Variants in LRRK1 observed in about 807,000 individuals in gnomAD.
LRRK1 encodes the protein leucine-rich repeat serine/threonine-protein kinase 1.
A neutral mutation model predicts 209.1 loss-of-function variants in LRRK1; 113 were observed. The observed-to-expected ratio is 0.54, with a 90% CI of 0.46 to 0.63. The LOEUF (loss-of-function observed/expected upper bound fraction) is 0.63. Ranked by LOEUF, LRRK1 falls within the 30% of genes least tolerant of loss-of-function variation. The pLI is 0.00. For synonymous variants in LRRK1, 1,144 were observed against 1,099.7 expected, an observed-to-expected ratio of 1.04 and a Z score of -0.80; for missense variants, 2,284 against 2,632.2, an observed-to-expected ratio of 0.87 and a Z score of 2.89.
At chr15:101,053,467 C>T in intron 26 of LRRK1, 47 bp downstream of exon 26, 1 of 1,490,226 alleles carries the variant, frequency 6.7e-7, no homozygotes. Context: ...CGACAGAGCC[C>T]CGGGCGCCTC....
At chr15:100,940,972 T>C (rs553747632) in intron 2 of LRRK1, among the ~76,000 whole-genome samples, 3 of 152,368 alleles carry the variant, frequency 2.0e-5, no homozygotes, top group East Asian at 3.9e-4. Flanking sequence ...CACTGTCAGC[T>C]GCTCACTTCC....
chr15:101,021,359 CG>C (rs1335322765), intron 13 of LRRK1, among the ~76,000 whole-genome samples, 177 bp downstream of exon 13: 2 of 152,080 alleles, frequency 1.3e-5, no homozygotes, highest in African/African-American at 2.4e-5. Flanking sequence ...GAGAGGAAGA[CG>C]GAGTAGCAAT....
chr15:100,950,864 G>A (rs967291477), intron 2 of LRRK1, among the ~76,000 whole-genome samples: 1 of 152,246 alleles, frequency 6.6e-6, no homozygotes, highest in African/African-American at 2.4e-5. Flanking sequence ...AGCACTTTGG[G>A]AGGCCAAGGC....
chr15:100,945,778 C>T (rs905050937), intron 2 of LRRK1, among the ~76,000 whole-genome samples: 5 of 152,148 alleles, frequency 3.3e-5, no homozygotes, highest in Non-Finnish European at 5.9e-5. Flanking sequence ...CAGGCATGAG[C>T]CACAGTGCCC....
intron 1 of LRRK1, among the ~76,000 whole-genome samples, chr15:100,922,628 T>C (rs2042039253): frequency 6.6e-6 from 1 of 152,200 alleles, no homozygotes; most frequent in South Asian, 2.1e-4. Context: ...GGAACGTTTA[T>C]TTTAAAACAG....
chr15:101,023,053 G>A (rs1255720301), intron 15 of LRRK1, among the ~76,000 whole-genome samples: 1 of 152,044 alleles, frequency 6.6e-6, no homozygotes, highest in Non-Finnish European at 1.5e-5. Context: ...AGTTCAAGTG[G>A]TCTGGGATAA....
At chr15:101,060,784 G>A (rs535850521) in intron 29 of LRRK1, among the ~76,000 whole-genome samples, 39 of 150,560 alleles carry the variant, frequency 2.6e-4, no homozygotes, top group African/African-American at 9.0e-4. Flanking sequence ...GTGCCCCCCC[G>A]CCCCAACCCA....
At chr15:100,997,953 T>G (rs1400577357) in intron 6 of LRRK1, among the ~76,000 whole-genome samples, 1 of 151,884 alleles carries the variant, frequency 6.6e-6, no homozygotes, top group Non-Finnish European at 1.5e-5. Flanking sequence ...GCCAAGGTGG[T>G]GGATCATCTG....
At chr15:101,046,212 C>G (rs2035067531) in intron 21 of LRRK1, 60 bp downstream of exon 21, 1 of 1,547,742 alleles carries the variant, frequency 6.5e-7, no homozygotes, top group East Asian at 2.3e-5. Context: ...AGTTGTACCA[C>G]TGGGGGAGGG....
chr15:100,990,344 T>C (rs983496090), intron 6 of LRRK1, among the ~76,000 whole-genome samples: 8 of 152,166 alleles, frequency 5.3e-5, no homozygotes, highest in Admixed American at 1.3e-4. Context: ...TAGTTCTTTT[T>C]TTTTTCCTGT....
In LRRK1 at chr15:101,053,337, G is replaced by C. The variant is rs764587553; in HGVS notation, c.3971G>C (p.Gly1324Ala). Residue 1324 changes from glycine to alanine, a missense_variant, in exon 26 of 34, where the codon GGC becomes GCC. Gly to Ala is a moderately conservative substitution (Grantham distance 60). Transcript: ENST00000388948. Reference sequence around the variant, plus strand: ...CACCCCTGCATCGTGGCGCTCATCGGCATCAGCATCCACCCGCTCTGCTTC... The same window carrying C: ...CACCCCTGCATCGTGGCGCTCATCGCCATCAGCATCCACCCGCTCTGCTTC... ...LQHPCIVALI[G>A]ISIHPLCFAL... The C allele has an allele frequency of 6.2e-7, 1 of 1,603,848 alleles. No individual in the cohort carries two copies. The highest frequency in any genetic ancestry group is 8.5e-7 in the Non-Finnish European group (1 of 1,179,914).
chr15:101,038,455 G>A (rs937429310), intron 20 of LRRK1, among the ~76,000 whole-genome samples: 13 of 152,278 alleles, frequency 8.5e-5, no homozygotes, highest in African/African-American at 2.2e-4. Flanking sequence ...AGCACCCTCC[G>A]AGCAGTGCCA....
chr15:101,064,905 C>G, intron 31 of LRRK1: 2 of 196,608 alleles, frequency 1.0e-5, no homozygotes, highest in South Asian at 9.7e-5. Context: ...GGGGGCAGTG[C>G]ACAGATGCTT....
intron 6 of LRRK1, among the ~76,000 whole-genome samples, chr15:100,996,325 C>T (rs2032408389): frequency 6.6e-6 from 1 of 152,228 alleles, no homozygotes; most frequent in South Asian, 2.1e-4. Context: ...TCCCAGAATT[C>T]AGCCTGGCCC....
chr15:101,063,108 C>G (rs993560989), intron 31 of LRRK1, among the ~76,000 whole-genome samples: 6 of 151,942 alleles, frequency 3.9e-5, no homozygotes, highest in African/African-American at 1.4e-4. Flanking sequence ...CCCTCCATCT[C>G]TGCCTCCCGC....
Position 101,077,628 on chromosome 15 carries a change from C to T in LRRK1, c.*8780C>T, listed in dbSNP as rs1198171686. ...TCTAAATGACGAATGTTTCTTCTAA[C>T]AACCGCACAATATCACCCCTTACCA... is the stretch of plus-strand genomic sequence containing the variant. On this transcript the variant is annotated 3_prime_UTR_variant, in exon 34 of 34. Coordinates refer to ENST00000388948, the MANE Select transcript of LRRK1 (RefSeq NM_024652.6). 2.0e-5 allele frequency: 3 copies of T among 152,182 alleles called. No homozygotes were observed. The highest frequency in any genetic ancestry group is 7.2e-5 in the African/African-American group (3 of 41,440). The allele number at this position is 152,182 out of a possible 1,614,324, so 9.4% of individuals were successfully genotyped here.
chr15:100,988,911 A>G, intron 5 of LRRK1, 98 bp downstream of exon 5: 6 of 1,063,020 alleles, frequency 5.6e-6, no homozygotes, highest in Non-Finnish European at 8.1e-6. Context: ...TGGCTCTCAA[A>G]TCACCTCTGT....
chr15:101,012,307 C>T (rs1032396373), intron 10 of LRRK1, among the ~76,000 whole-genome samples, 162 bp downstream of exon 10: 20 of 152,122 alleles, frequency 1.3e-4, no homozygotes, highest in Admixed American at 4.6e-4. Flanking sequence ...CCACGAACAG[C>T]GATGAGGGTG....
intron 2 of LRRK1, among the ~76,000 whole-genome samples, chr15:100,942,449 G>T (rs1448190976): frequency 1.3e-5 from 2 of 152,038 alleles, no homozygotes; most frequent in Non-Finnish European, 2.9e-5. Flanking sequence ...TAAAAAGTAG[G>T]GTCCTTACAA....
Sources: gnomAD v4.1 joint callset for allele counts (sites outside exome capture counted in the v4.1 genomes callset) on GRCh38, gnomAD v4.1.1 for gene constraint, MANE v1.5 for transcripts, NCBI Gene and HGNC (gene_info 2026-07-23, HGNC 2026-07-21) for gene names.